The following OTOF variants were observed in gnomAD, a reference collection of about 807,000 sequenced individuals.
OTOF encodes fer-1-like family member 2.
OTOF carries 218 observed loss-of-function variants against 236.8 expected under a neutral mutation model. That is an observed-to-expected ratio of 0.92 (90% CI 0.82 to 1.03). OTOF has a LOEUF of 1.03. Among genes scored for constraint, OTOF ranks in the 50% least tolerant of loss-of-function variants. The pLI is 0.00. For missense variants in OTOF, 2,590 were observed against 2,694.4 expected (o/e 0.96, Z 0.86); for synonymous variants, 1,041 against 1,072.5 (o/e 0.97, Z 0.57).
In OTOF at chr2:26,465,080, C is replaced by G. The variant is rs563455177; in HGVS notation, c.4800-51G>C. On this transcript the variant is annotated intron_variant, in intron 38 of 46. Coordinates refer to ENST00000272371, the MANE Select transcript of OTOF (RefSeq NM_194248.3). ...GAGGGGCTGGGTGGGACTAAGCCATCCTGGATGACAGCTGGTCGTGGCCAG... is the reference window on the plus strand; with the variant it reads ...GAGGGGCTGGGTGGGACTAAGCCATGCTGGATGACAGCTGGTCGTGGCCAG... 1.1e-5 allele frequency: 15 copies of G among 1,401,690 alleles called. No individual in the cohort carries two copies. The East Asian group carries it at 3.7e-4, about 35-fold the overall frequency. The allele number at this position is 1,401,690 out of a possible 1,614,324, so 86.8% of individuals were successfully genotyped here.
At chr2:26,529,926 G>A (rs1303211814) in intron 2 of OTOF, among the ~76,000 whole-genome samples, 1 of 152,218 alleles carries the variant, frequency 6.6e-6, no homozygotes, top group East Asian at 1.9e-4. Context: ...TCATTCAGCG[G>A]CTGCGGCTCC....
At chr2:26,506,982 T>C (rs887967148) in intron 5 of OTOF, among the ~76,000 whole-genome samples, 1 of 152,190 alleles carries the variant, frequency 6.6e-6, no homozygotes, top group Admixed American at 6.5e-5. Flanking sequence ...AGAGTGAGAC[T>C]CTGTCTCAAA....
chr2:26,550,313 A>G (rs1667428974), intron 1 of OTOF, among the ~76,000 whole-genome samples: 1 of 152,064 alleles, frequency 6.6e-6, no homozygotes, highest in Admixed American at 6.5e-5. Context: ...TAGAACTGTC[A>G]CCGAGAGAAA....
At chr2:26,526,500 T>C (rs915949700) in intron 3 of OTOF, among the ~76,000 whole-genome samples, 3 of 152,136 alleles carry the variant, frequency 2.0e-5, no homozygotes, top group African/African-American at 7.2e-5. Context: ...GATGGATGGA[T>C]GGATGAATGG....
intron 1 of OTOF, among the ~76,000 whole-genome samples, chr2:26,552,451 A>G (rs374299597): frequency 6.6e-6 from 1 of 152,236 alleles, no homozygotes; most frequent in East Asian, 1.9e-4. Context: ...AAAAGTGGCT[A>G]AGATAACCAA....
chr2:26,484,709 G>T, intron 11 of OTOF, 76 bp from the exon 12 acceptor site: 2 of 1,514,474 alleles, frequency 1.3e-6, no homozygotes, highest in Non-Finnish European at 1.8e-6. Context: ...GCAGGCCAAG[G>T]GGTGGCAGAA....
chr2:26,518,414 A>G (rs970179326), intron 4 of OTOF, among the ~76,000 whole-genome samples: 4 of 152,198 alleles, frequency 2.6e-5, no homozygotes, highest in African/African-American at 7.2e-5. Flanking sequence ...GTTCCTCACC[A>G]TCATGCCAAC....
At position 26,476,135 on chromosome 2, in the gene OTOF, G is replaced by A. The variant is rs77414333; in HGVS notation, c.2859C>T (p.Val953=). Residue 953 remains valine, a synonymous_variant, in exon 23 of 47, where the codon GTC becomes GTT. Transcript: ENST00000272371. ...GLHAFPPVSL[V]YTKKQAFQLR... Reference sequence around the variant, plus strand: ...TGAGGGGTCCTCACTCACTGGTGTAGACCAGGCTGACGGGTGGGAAGGCAT... The same window carrying A: ...TGAGGGGTCCTCACTCACTGGTGTAAACCAGGCTGACGGGTGGGAAGGCAT... The A allele has an allele frequency of 3.6e-4, 582 of 1,611,402 alleles. No individual in the cohort carries two copies. Among genetic ancestry groups the A allele is most frequent in the Non-Finnish European group, 4.7e-4 (558 of 1,179,502 alleles).
At chr2:26,516,813 C>T (rs1666540793) in intron 4 of OTOF, among the ~76,000 whole-genome samples, 1 of 152,154 alleles carries the variant, frequency 6.6e-6, no homozygotes, top group Admixed American at 6.5e-5. Flanking sequence ...CTTACTGGTA[C>T]CTGGCTCCAG....
chr2:26,459,520 C>G (rs2148015397), intron 46 of OTOF, among the ~76,000 whole-genome samples: 1 of 141,828 alleles, frequency 7.1e-6, no homozygotes, highest in South Asian at 2.2e-4. Flanking sequence ...CCACTGCACT[C>G]TAGCCTGGGC....
chr2:26,473,073 G>A lies in OTOF; in HGVS notation c.3733+59C>T. The A allele has an allele frequency of 3.2e-6, 5 of 1,548,878 alleles. No individual in the cohort carries two copies. In the East Asian group the frequency reaches 9.0e-5, roughly 28 times the overall value. On this transcript the variant is annotated intron_variant, in intron 29 of 46. Transcript: ENST00000272371. This position sits in a 1 kb window ranked among gnomAD's most constrained non-coding sequence, Gnocchi z 7.2. ...CGCGGCTTGGACTGGGCGGAGACCT[G>A]GAGCCCTTCCCTGGGGGGCGTGGAG...
chr2:26,478,462 G>T (rs6547049), intron 18 of OTOF, among the ~76,000 whole-genome samples: 89,108 of 151,956 alleles, frequency 0.59, 28,043 homozygotes, highest in East Asian at 0.98. Context: ...ACTTCAACAG[G>T]GAACAGCAAC....
At chr2:26,488,161 G>A (rs1558494478) in intron 11 of OTOF, among the ~76,000 whole-genome samples, 1 of 152,176 alleles carries the variant, frequency 6.6e-6, no homozygotes. Flanking sequence ...AACCACAAGC[G>A]ATCGCCAATT....
At position 26,461,975 on chromosome 2, in the gene OTOF, G is replaced by T; in HGVS notation, c.5292-38C>A. 4 of 1,613,652 alleles carry T rather than the reference G, an allele frequency of 2.5e-6. No individual in the cohort carries two copies. The highest frequency in any genetic ancestry group is 3.4e-6 in the Non-Finnish European group (4 of 1,179,894). On this transcript the variant is annotated intron_variant, in intron 42 of 46. Transcript: ENST00000272371. The surrounding 1 kb of genome is among the most constrained non-coding windows in gnomAD (Gnocchi z 6.2). ...CATCTCCAGACCCGCAGCCAGGCTGGTGGGGCCTCTCCCACCCACAGCCAC... is the reference window on the plus strand; with the variant it reads ...CATCTCCAGACCCGCAGCCAGGCTGTTGGGGCCTCTCCCACCCACAGCCAC...
intron 1 of OTOF, among the ~76,000 whole-genome samples, chr2:26,546,198 T>TG (rs1357764847): frequency 3.3e-5 from 5 of 152,330 alleles, no homozygotes; most frequent in Admixed American, 3.3e-4. Flanking sequence ...AAGTGGCTCA[T>TG]GCCTGTAATC....
In OTOF at chr2:26,463,529, G is replaced by A. The variant is rs755212171; in HGVS notation, c.5146C>T (p.Pro1716Ser). Residue 1716 changes from proline to serine, a missense_variant, in exon 41 of 47, where the codon CCA becomes TCA. Around this residue, in one of 2 missense-constraint regions of OTOF, gnomAD observed 1,211 missense variants for 1,352.8 expected, o/e 0.90. Coordinates refer to ENST00000272371, the MANE Select transcript of OTOF (RefSeq NM_194248.3). ...LWVDMFPMDM[P>S]APGTPLDISP... is the part of the protein sequence containing the mutation. Reference sequence around the variant, plus strand: ...ATGTCCAGAGGCGTCCCAGGGGCTGGCATGTCCATGGGGAACATGTCCACC... The same window carrying A: ...ATGTCCAGAGGCGTCCCAGGGGCTGACATGTCCATGGGGAACATGTCCACC... The A allele has an allele frequency of 6.2e-7, 1 of 1,608,896 alleles. No individual in the cohort carries two copies. The highest frequency in any genetic ancestry group is 1.7e-5 in the Admixed American group (1 of 59,424).
chr2:26,465,582 A>G, intron 38 of OTOF, 90 bp downstream of exon 38: 2 of 1,405,538 alleles, frequency 1.4e-6, no homozygotes, highest in South Asian at 1.2e-5. Flanking sequence ...ACAATGTCTA[A>G]CCTCTCAAAT....
At chr2:26,474,294 C>A (rs1665144457) in intron 26 of OTOF, among the ~76,000 whole-genome samples, 184 bp from the exon 27 acceptor site, 1 of 148,732 alleles carries the variant, frequency 6.7e-6, no homozygotes, top group Non-Finnish European at 1.5e-5. Flanking sequence ...GCTCCAGGCC[C>A]CAACCCCCAG....
intron 5 of OTOF, among the ~76,000 whole-genome samples, 165 bp downstream of exon 5, chr2:26,516,253 G>A (rs903744931): frequency 2.0e-5 from 3 of 152,118 alleles, no homozygotes; most frequent in Non-Finnish European, 4.4e-5. Flanking sequence ...CGGCTGGGTG[G>A]GGGGCTACAG....
Sources: gnomAD v4.1 joint callset for allele counts (sites outside exome capture counted in the v4.1 genomes callset) on GRCh38, gnomAD v4.1.1 for gene constraint, gnomAD v4.1.1 regional missense constraint, Gnocchi (gnomAD v3.1) non-coding constraint, MANE v1.5 for transcripts, NCBI Gene and HGNC (gene_info 2026-07-23, HGNC 2026-07-21) for gene names.